SUCLA2: variants seen among roughly 807,000 people sequenced by gnomAD.
SUCLA2 encodes the protein succinate--CoA ligase [ADP-forming] subunit beta, mitochondrial.
SUCLA2 carries 30 observed loss-of-function variants against 54.8 expected under a neutral mutation model. The ratio of observed to expected loss-of-function variants is 0.55; its 90% CI spans 0.41 to 0.74. SUCLA2 has a LOEUF of 0.74. Among genes scored for constraint, SUCLA2 ranks in the 30% least tolerant of loss-of-function variants. The pLI, the probability that SUCLA2 is intolerant of heterozygous loss-of-function variation, is 0.00. For missense variants in SUCLA2, 476 were observed against 562.9 expected, an observed-to-expected ratio of 0.85 and a Z score of 1.56; for synonymous variants, 172 against 188.9, an observed-to-expected ratio of 0.91 and a Z score of 0.74.
At chr13:47,981,912 G>T (rs189983663) in intron 4 of SUCLA2, among the ~76,000 whole-genome samples, 1 of 152,052 alleles carries the variant, frequency 6.6e-6, no homozygotes, top group Non-Finnish European at 1.5e-5. Flanking sequence ...TTGATCCCGG[G>T]AGACTGGGGT....
Position 47,973,276 on chromosome 13 carries a change from T to C in SUCLA2, c.651A>G (p.Glu217=), listed in dbSNP as rs1949983274. The change falls in exon 5 of 11, where the codon GAA becomes GAG. Residue 217 remains glutamate (E), a synonymous_variant. Transcript: ENST00000646932. ...PIDIEEGIKK[E]QALQLAQKMG... ...GAATACAACATACCTGGAGAGCTTG[T>C]TCCTTTTTGATGCCTTCTTCAATAT... is the stretch of plus-strand genomic sequence containing the variant. The C allele has an allele frequency of 6.2e-7, 1 of 1,613,094 alleles. No homozygotes were observed. Among genetic ancestry groups the C allele is most frequent in the Non-Finnish European group, 8.5e-7 (1 of 1,179,760 alleles).
intron 10 of SUCLA2, among the ~76,000 whole-genome samples, chr13:47,944,597 T>C (rs1396917437): frequency 6.6e-6 from 1 of 152,168 alleles, no homozygotes; most frequent in Non-Finnish European, 1.5e-5. Flanking sequence ...ACTCCTACTA[T>C]CTCTCCCCTT....
chr13:47,975,270 C>T (rs1249063188), intron 4 of SUCLA2, among the ~76,000 whole-genome samples: 1 of 151,906 alleles, frequency 6.6e-6, no homozygotes, highest in Non-Finnish European at 1.5e-5. Flanking sequence ...AAGGGATTCT[C>T]CTCTCTCAGC....
At chr13:47,988,779 T>G in intron 3 of SUCLA2, 76 bp from the exon 4 acceptor site, 2 of 1,595,652 alleles carry the variant, frequency 1.3e-6, no homozygotes. Context: ...AGCCAAAATT[T>G]TATCTCATCT....
At chr13:48,001,145 G>C (rs754774122) in intron 1 of SUCLA2, 35 bp downstream of exon 1, 2 of 1,585,894 alleles carry the variant, frequency 1.3e-6, no homozygotes, top group South Asian at 2.3e-5. Context: ...TTCTCCTGCC[G>C]ACCCTCGAGA....
rs760142926 is a variant in SUCLA2 at position 47,954,573 on chromosome 13, G to C, written c.803-16C>G. ...ATACACAATACTTTGAAGGGAAAAA[G>C]AGAAAAATGACCTTAATTTCAAGAC... On this transcript the variant is annotated splice_polypyrimidine_tract_variant and intron_variant, in intron 6 of 10. Transcript: ENST00000646932. The C allele has an allele frequency of 1.2e-6, 2 of 1,612,026 alleles. No individual in the cohort carries two copies. The highest frequency in any genetic ancestry group is 1.7e-6 in the Non-Finnish European group (2 of 1,178,626).
chr13:47,962,908 C>T (rs1432402446), intron 6 of SUCLA2, among the ~76,000 whole-genome samples: 3 of 152,138 alleles, frequency 2.0e-5, no homozygotes, highest in East Asian at 1.9e-4. Context: ...AAAAATGTAT[C>T]GAAGAACTGC....
chr13:47,945,422 CAAAAAAAAAA>C (rs10661341), intron 10 of SUCLA2, among the ~76,000 whole-genome samples: 1 of 50,008 alleles, frequency 2.0e-5, no homozygotes, highest in African/African-American at 8.6e-5. Flanking sequence ...GACTCAGTCT[CAAAAAAAAAA>C]AAAAAAAAAA....
At position 47,948,232 on chromosome 13, in the gene SUCLA2, C is replaced by G. The variant is rs529156165; in HGVS notation, c.1317+708G>C. ...CAAACAAGATTGGGCAGGAGCTGAC[C>G]GTTGTTTAAGATGATCACAGATATA... On this transcript the variant is annotated intron_variant, in intron 10 of 10. Coordinates refer to ENST00000646932, the MANE Select transcript of SUCLA2 (RefSeq NM_003850.3). Among the ~76,000 whole-genome samples, 500 of 152,160 alleles carry G rather than the reference C, an allele frequency of 3.3e-3. 1 individual carries two copies. Among genetic ancestry groups the G allele is most frequent in the African/African-American group, 0.011 (453 of 41,524 alleles).
At chr13:47,948,296 CTTTTG>C (rs796100603) in intron 10 of SUCLA2, among the ~76,000 whole-genome samples, 4 of 152,232 alleles carry the variant, frequency 2.6e-5, no homozygotes, top group African/African-American at 9.6e-5. Context: ...ACCAAACTCT[CTTTTG>C]TTTTTTCAAT....
chr13:47,965,505 AAACAAACAAAC>A (rs1949910584), intron 6 of SUCLA2: 1 of 388,544 alleles, frequency 2.6e-6, no homozygotes, highest in African/African-American at 2.2e-5. Flanking sequence ...AAAAAAAAAA[AAACAAACAAAC>A]AAAAAAAAAA....
intron 2 of SUCLA2, among the ~76,000 whole-genome samples, chr13:47,992,814 G>A (rs6561426): frequency 0.94 from 142,537 of 152,350 alleles, 66,709 homozygotes; most frequent in East Asian, 1. Context: ...ATCTCCCTCC[G>A]GGCTGACATT....
intron 2 of SUCLA2, among the ~76,000 whole-genome samples, chr13:47,993,713 C>A (rs4942735): frequency 6.6e-6 from 1 of 152,030 alleles, no homozygotes; most frequent in African/African-American, 2.4e-5. Flanking sequence ...TATTATGTCA[C>A]TTGTTGAGCA....
intron 10 of SUCLA2, among the ~76,000 whole-genome samples, chr13:47,944,163 A>C (rs1949710765): frequency 6.6e-6 from 1 of 152,076 alleles, no homozygotes; most frequent in Non-Finnish European, 1.5e-5. Context: ...TATGACATAC[A>C]ACCTTGAATA....
At chr13:47,980,213 G>C (rs576322116) in intron 4 of SUCLA2, among the ~76,000 whole-genome samples, 13 of 152,008 alleles carry the variant, frequency 8.6e-5, no homozygotes, top group Admixed American at 1.3e-4. Flanking sequence ...TCAGGAGATC[G>C]AGACCATCCT....
chr13:47,972,512 C>CA (rs923941625), intron 5 of SUCLA2, among the ~76,000 whole-genome samples: 25 of 150,580 alleles, frequency 1.7e-4, no homozygotes, highest in Non-Finnish European at 3.0e-4. Context: ...CTACTAAAAA[C>CA]AAAAAAATTA....
intron 6 of SUCLA2, among the ~76,000 whole-genome samples, chr13:47,964,183 G>A (rs529028860): frequency 2.0e-5 from 3 of 152,202 alleles, no homozygotes; most frequent in African/African-American, 7.2e-5. Flanking sequence ...AAGGCATTAT[G>A]TATAGTAAAA....
At chr13:47,960,999 T>C (rs1217744270) in intron 6 of SUCLA2, among the ~76,000 whole-genome samples, 1 of 152,214 alleles carries the variant, frequency 6.6e-6, no homozygotes, top group Non-Finnish European at 1.5e-5. Context: ...AGCACACTGA[T>C]GCAAGGCCAG....
intron 1 of SUCLA2, among the ~76,000 whole-genome samples, chr13:48,000,608 C>T (rs1950222495): frequency 6.6e-6 from 1 of 152,178 alleles, no homozygotes; most frequent in African/African-American, 2.4e-5. Flanking sequence ...ATTTTCTTAC[C>T]TCTCCAACTG....
Sources: gnomAD v4.1 joint callset for allele counts (sites outside exome capture counted in the v4.1 genomes callset) on GRCh38, gnomAD v4.1.1 for gene constraint, MANE v1.5 for transcripts, NCBI Gene and HGNC (gene_info 2026-07-23, HGNC 2026-07-21) for gene names.